MAGI2: variants seen among roughly 807,000 people sequenced by gnomAD.
MAGI2 encodes the protein membrane associated guanylate kinase, WW and PDZ domain containing 2.
Under a neutral mutation model 133.3 loss-of-function variants are expected in MAGI2, and 35 were observed. The ratio of observed to expected loss-of-function variants is 0.26; its 90% CI spans 0.20 to 0.35. The LOEUF (loss-of-function observed/expected upper bound fraction) is 0.35. MAGI2 is among the 10% of genes least tolerant of loss of function. MAGI2 has a pLI of 1.00. For missense variants in MAGI2, 1,636 were observed against 1,863.4 expected, an observed-to-expected ratio of 0.88 and a Z score of 2.25; for synonymous variants, 729 against 710.6, an observed-to-expected ratio of 1.03 and a Z score of -0.41.
At chr7:79,380,154 A>T (rs1208191348) in intron 1 of MAGI2, among the ~76,000 whole-genome samples, 1 of 151,856 alleles carries the variant, frequency 6.6e-6, no homozygotes, top group Non-Finnish European at 1.5e-5. Context: ...AATGGGATCT[A>T]ATTAAACTAA....
intron 1 of MAGI2, among the ~76,000 whole-genome samples, chr7:79,419,457 C>G (rs1846781482): frequency 6.6e-6 from 1 of 151,984 alleles, no homozygotes; most frequent in African/African-American, 2.4e-5. Flanking sequence ...AGGACATATG[C>G]TTTTCCTTTA....
chr7:78,226,805 A>C (rs923078446), intron 10 of MAGI2, among the ~76,000 whole-genome samples: 3 of 152,230 alleles, frequency 2.0e-5, no homozygotes, highest in African/African-American at 7.2e-5. Flanking sequence ...AGAAACTGTT[A>C]GGTAAATGTA....
At chr7:79,243,389 G>A (rs1209853872) in intron 1 of MAGI2, among the ~76,000 whole-genome samples, 4 of 152,080 alleles carry the variant, frequency 2.6e-5, no homozygotes, top group East Asian at 3.9e-4. Flanking sequence ...CCTCATGTAC[G>A]CTTTCAGAAG....
intron 16 of MAGI2, among the ~76,000 whole-genome samples, chr7:78,135,800 T>C (rs2150540695): frequency 6.6e-6 from 1 of 152,344 alleles, no homozygotes; most frequent in South Asian, 2.1e-4. Context: ...CCCACTCATG[T>C]ACTAAGCTAT....
At chr7:79,414,829 C>T (rs1257352968) in intron 1 of MAGI2, 1 of 152,038 alleles carries the variant, frequency 6.6e-6, no homozygotes. Context: ...TACGTCTTTC[C>T]ATGAGATAGC....
chr7:79,125,680 C>A (rs1048401867), intron 1 of MAGI2: 18 of 528,784 alleles, frequency 3.4e-5, no homozygotes, highest in African/African-American at 3.3e-4. Flanking sequence ...AATTTTGGAG[C>A]CATGAAGGGA....
intron 2 of MAGI2, among the ~76,000 whole-genome samples, chr7:78,947,318 T>C (rs1043489291): frequency 2.0e-5 from 3 of 152,150 alleles, no homozygotes; most frequent in Admixed American, 2.0e-4. Context: ...TTCCTCCATG[T>C]ACTAAGTAGA....
chr7:78,175,412 G>A (rs1056293647), intron 14 of MAGI2, among the ~76,000 whole-genome samples: 2 of 152,166 alleles, frequency 1.3e-5, no homozygotes, highest in Non-Finnish European at 2.9e-5. Context: ...GTGCAAGTGT[G>A]AGTGGAGACT....
At chr7:78,259,392 A>G (rs374172435) in intron 9 of MAGI2, among the ~76,000 whole-genome samples, 2 of 152,178 alleles carry the variant, frequency 1.3e-5, no homozygotes, top group African/African-American at 2.4e-5. Flanking sequence ...TCTGTGACTC[A>G]GATTTTTTAG....
intron 20 of MAGI2, among the ~76,000 whole-genome samples, chr7:78,104,548 A>C (rs573246534): frequency 6.6e-6 from 1 of 151,972 alleles, no homozygotes; most frequent in Non-Finnish European, 1.5e-5. Flanking sequence ...GGCCTTCTAC[A>C]GCCTAGTCCC....
intron 7 of MAGI2, among the ~76,000 whole-genome samples, chr7:78,360,997 A>G (rs982459408): frequency 6.6e-6 from 1 of 152,180 alleles, no homozygotes; most frequent in African/African-American, 2.4e-5. Context: ...ACCTTCTGCC[A>G]GGAAGTTTCC....
chr7:78,803,658 A>G (rs1289172731), intron 2 of MAGI2, among the ~76,000 whole-genome samples: 3 of 152,190 alleles, frequency 2.0e-5, no homozygotes, highest in Admixed American at 6.5e-5. Flanking sequence ...AAAGGGGGAA[A>G]AAGGAAATGC....
intron 9 of MAGI2, among the ~76,000 whole-genome samples, chr7:78,268,726 T>C (rs1794262976): frequency 6.6e-6 from 1 of 152,200 alleles, no homozygotes; most frequent in Non-Finnish European, 1.5e-5. Flanking sequence ...TCACTTCAAA[T>C]TTTGTGTATC....
intron 1 of MAGI2, among the ~76,000 whole-genome samples, chr7:79,094,384 G>T (rs1817344366): frequency 1.3e-5 from 2 of 152,256 alleles, no homozygotes; most frequent in Non-Finnish European, 2.9e-5. Context: ...TACCCCATTT[G>T]CAGTTATTTA....
At chr7:78,940,931 T>C (rs1480771231) in intron 2 of MAGI2, 1 of 152,204 alleles carries the variant, frequency 6.6e-6, no homozygotes, top group African/African-American at 2.4e-5. Flanking sequence ...TGAAAATGTG[T>C]CTTCATTCGT....
At chr7:78,271,913 T>A (rs985676403) in intron 9 of MAGI2, among the ~76,000 whole-genome samples, 8 of 152,182 alleles carry the variant, frequency 5.3e-5, no homozygotes, top group African/African-American at 1.7e-4. Flanking sequence ...ATGCACTGAT[T>A]TTTTAAGGGT....
At chr7:78,063,060 G>C (rs1264815647) in intron 21 of MAGI2, among the ~76,000 whole-genome samples, 3 of 151,966 alleles carry the variant, frequency 2.0e-5, no homozygotes, top group Admixed American at 6.6e-5. Context: ...CACGTCATTT[G>C]CTTCAACTTC....
chr7:78,262,929 A>C (rs1793650507), intron 9 of MAGI2, among the ~76,000 whole-genome samples: 1 of 152,182 alleles, frequency 6.6e-6, no homozygotes, highest in Non-Finnish European at 1.5e-5. Context: ...TCGCCCAGGT[A>C]GTAAGCATAG....
chr7:78,559,487 AT>A (rs1214001946), intron 3 of MAGI2, among the ~76,000 whole-genome samples: 1 of 152,134 alleles, frequency 6.6e-6, no homozygotes, highest in African/African-American at 2.4e-5. Context: ...GCAGTTAGTG[AT>A]TTTGTAAATT....
Sources: gnomAD v4.1 joint callset for allele counts (sites outside exome capture counted in the v4.1 genomes callset) on GRCh38, gnomAD v4.1.1 for gene constraint, MANE v1.5 for transcripts, NCBI Gene and HGNC (gene_info 2026-07-23, HGNC 2026-07-21) for gene names.